WNT11: variants seen among roughly 807,000 people sequenced by gnomAD.
WNT11 encodes Wnt family member 11.
Under a neutral mutation model 35.6 loss-of-function variants are expected in WNT11, and 20 were observed. The ratio of observed to expected loss-of-function variants is 0.56; its 90% confidence interval spans 0.40 to 0.82. The LOEUF (loss-of-function observed/expected upper bound fraction) is 0.82, where lower values mean the gene tolerates loss of function less well. Ranked by LOEUF, WNT11 falls within the 40% of genes least tolerant of loss-of-function variation. WNT11 has a pLI of 0.00. For synonymous variants in WNT11, 200 were observed against 211.9 expected, an observed-to-expected ratio of 0.94 and a Z score of 0.49; for missense variants, 459 against 504.4, an observed-to-expected ratio of 0.91 and a Z score of 0.86.
intron 1 of WNT11, among the ~76,000 whole-genome samples, chr11:76,201,838 T>G (rs899460474): frequency 6.6e-6 from 1 of 152,158 alleles, no homozygotes; most frequent in Non-Finnish European, 1.5e-5. Context: ...ATGACTTCAC[T>G]GAGGTATTTT....
chr11:76,205,472 C>G (rs949236343), intron 1 of WNT11, among the ~76,000 whole-genome samples: 2 of 152,244 alleles, frequency 1.3e-5, no homozygotes, highest in African/African-American at 4.8e-5. Flanking sequence ...CTCGGAAAAG[C>G]TTCCCGGTGT....
intron 4 of WNT11, among the ~76,000 whole-genome samples, chr11:76,189,075 G>A (rs1169429608): frequency 6.6e-6 from 1 of 152,226 alleles, no homozygotes; most frequent in Non-Finnish European, 1.5e-5. Flanking sequence ...ACAGACCTGG[G>A]TTCAAGCCCC....
Position 76,206,307 on chromosome 11 carries a change from C to T in WNT11, c.83+18G>A. ...CCAGTCCCTGGCCTGTGCGCGTGGA[C>T]GCGGGGTCCCTACTCACAGCCACTT... is the stretch of plus-strand genomic sequence containing the variant. On this transcript the variant is annotated intron_variant, in intron 1 of 4. Transcript: ENST00000322563. 6.6e-7 allele frequency: 1 copy of T among 1,526,138 alleles called. No individual in the cohort carries two copies. Among genetic ancestry groups the T allele is most frequent in the Non-Finnish European group, 8.8e-7 (1 of 1,137,392 alleles). The allele number at this position is 1,526,138 out of a possible 1,614,324, so 94.5% of individuals were successfully genotyped here.
chr11:76,210,284 G>C (rs1472976616), upstream of WNT11: 1 of 415,620 alleles, frequency 2.4e-6, no homozygotes, highest in East Asian at 1.6e-4. Flanking sequence ...GCTTCGCTCC[G>C]CAAAGGGGAA....
rs769163509 is a variant in WNT11 at position 76,194,781 on chromosome 11, C to T, written c.383G>A (p.Arg128Gln). The change falls in exon 3 of 5, where the codon CGG becomes CAG. Residue 128 changes from arginine (R) to glutamine (Q), a missense_variant. By Grantham distance (43) the Arg-to-Gln change is conservative. Coordinates refer to ENST00000322563, the MANE Select transcript of WNT11 (RefSeq NM_004626.3). This position sits in a 1 kb window ranked among gnomAD's most constrained non-coding sequence, Gnocchi z 5.4. The stretch of plus-strand genomic sequence containing the variant: ...GGGCAGGTCGCCGGAGGTGCAGGCC[C>T]GGGCGATGGCGTGGCTGATGGCGGC... ...SAAAISHAIA[R>Q]ACTSGDLPGC... 1.4e-5 allele frequency: 21 copies of T among 1,553,708 alleles called. No homozygotes were observed. The highest frequency in any genetic ancestry group is 6.8e-5 in the African/African-American group (5 of 73,306).
At position 76,196,592 on chromosome 11, in the gene WNT11, C is replaced by T. The variant is rs752047946; in HGVS notation, c.210G>A (p.Val70=). 37 of 1,613,622 alleles carry T rather than the reference C, an allele frequency of 2.3e-5. No individual in the cohort carries two copies. Among genetic ancestry groups the T allele is most frequent in the Non-Finnish European group, 3.0e-5 (35 of 1,180,046 alleles). Residue 70 remains valine (V), a synonymous_variant, in exon 2 of 5, where the codon GTG becomes GTA. Transcript: ENST00000322563. ...RSNLELMHTV[V]HAAREVMKAC... is the part of the protein sequence containing the mutation. The stretch of plus-strand genomic sequence containing the variant: ...CCTTCATGACCTCGCGGGCGGCGTG[C>T]ACCACCGTGTGCATGAGCTCCAGGT...
intron 4 of WNT11, among the ~76,000 whole-genome samples, chr11:76,191,199 A>G (rs983824133): frequency 2.6e-5 from 4 of 152,058 alleles, no homozygotes; most frequent in African/African-American, 9.7e-5. Flanking sequence ...TGTTCATCTG[A>G]CAAACATTTT....
Position 76,194,996 on chromosome 11 carries a change from C to T in WNT11, c.320-152G>A. 1 of 953,366 alleles carries T rather than the reference C, an allele frequency of 1.0e-6. No homozygotes were observed. The highest frequency in any genetic ancestry group is 1.5e-6 in the Non-Finnish European group (1 of 664,876). 59.1% of individuals were successfully genotyped at this position (953,366 alleles called of 1,614,324 possible). The stretch of plus-strand genomic sequence containing the variant: ...GGCCATTGAGATGTCACCCCTGCTT[C>T]CCCAATTCCTTCTGAATATACCAGC... On this transcript the variant is annotated intron_variant, in intron 2 of 4. Transcript: ENST00000322563. This position sits in a 1 kb window ranked among gnomAD's most constrained non-coding sequence, Gnocchi z 5.4.
In WNT11 at chr11:76,196,902, C is replaced by G. The variant is rs985166349; in HGVS notation, c.84-184G>C. Among the ~76,000 whole-genome samples the G allele has an allele frequency of 2.0e-5, 3 of 152,256 alleles. No individual in the cohort carries two copies. The South Asian group carries it at 6.2e-4, about 31-fold the overall frequency. On this transcript the variant is annotated intron_variant, in intron 1 of 4. Transcript: ENST00000322563. The stretch of plus-strand genomic sequence containing the variant: ...GGCAGAGCAGTGGATCCCCCTCACA[C>G]CCCATGTGACCTTGGGCACATCACC...
At chr11:76,188,701 G>C (rs1255608868) in intron 4 of WNT11, among the ~76,000 whole-genome samples, 2 of 152,270 alleles carry the variant, frequency 1.3e-5, no homozygotes, top group Non-Finnish European at 2.9e-5. Flanking sequence ...AGAAGGGAGA[G>C]GGGCCTTGCC....
rs1565197916 is a variant in WNT11, at chr11:76,206,240, C to A, written c.83+85G>T. 3 of 1,233,176 alleles carry A rather than the reference C, an allele frequency of 2.4e-6. No homozygotes were observed. In the East Asian group the frequency reaches 9.4e-5, roughly 39 times the overall value. 76.4% of individuals were successfully genotyped at this position (1,233,176 alleles called of 1,614,324 possible). ...CAGCTTAGGCTCCCGGGTCTTGGTG[C>A]GCTCGCCCCATCCAGGGGACCCCAA... On this transcript the variant is annotated intron_variant, in intron 1 of 4. Transcript: ENST00000322563.
chr11:76,208,133 C>T (rs1953501827), upstream of WNT11, among the ~76,000 whole-genome samples: 1 of 152,228 alleles, frequency 6.6e-6, no homozygotes, highest in Non-Finnish European at 1.5e-5. Flanking sequence ...GCCGTGCGTC[C>T]CCCGAGGACC....
intron 4 of WNT11, among the ~76,000 whole-genome samples, chr11:76,189,953 T>C (rs1054027972): frequency 6.6e-6 from 1 of 151,688 alleles, no homozygotes; most frequent in Non-Finnish European, 1.5e-5. Context: ...CTGTGGGGGC[T>C]GTGAAGGAAG....
intron 2 of WNT11, among the ~76,000 whole-genome samples, chr11:76,196,087 G>C (rs1953280756): frequency 6.6e-6 from 1 of 152,196 alleles, no homozygotes. Flanking sequence ...ACACCTGTCT[G>C]CCCTGCGGGT....
intron 1 of WNT11, among the ~76,000 whole-genome samples, chr11:76,199,601 A>G (rs1269442911): frequency 6.6e-6 from 1 of 152,114 alleles, no homozygotes; most frequent in East Asian, 1.9e-4. Context: ...TCAGAAGATC[A>G]AGACCATTCT....
At chr11:76,198,949 C>T (rs924683259) in intron 1 of WNT11, among the ~76,000 whole-genome samples, 51 of 152,150 alleles carry the variant, frequency 3.4e-4, no homozygotes, top group Admixed American at 5.2e-4. Context: ...GCCTGGTTAA[C>T]GTGGTGAAAC....
At chr11:76,192,036 G>T (rs12419707) in intron 3 of WNT11, among the ~76,000 whole-genome samples, 180 bp from the exon 4 acceptor site, 1 of 152,012 alleles carries the variant, frequency 6.6e-6, no homozygotes, top group East Asian at 1.9e-4. Context: ...CTGCAACCGT[G>T]GGGGGCACAG....
At position 76,194,623 on chromosome 11, in the gene WNT11, T is replaced by G; in HGVS notation, c.541A>C (p.Thr181Pro). Residue 181 changes from threonine (T) to proline (P), a missense_variant, in exon 3 of 5, where the codon ACA (threonine) becomes CCA (proline). Transcript: ENST00000322563. The surrounding 1 kb of genome is among the most constrained non-coding windows in gnomAD (Gnocchi z 5.4). ...ATCAGTTTATTGGCTTGGGATCCTG[T>G]TTTTTTCACCTTCATAGGAGCATCG... The part of the protein sequence containing the change: ...FSDAPMKVKK[T>P]GSQANKLMRL... The G allele has an allele frequency of 6.4e-7, 1 of 1,550,528 alleles. No homozygotes were observed. Among genetic ancestry groups the G allele is most frequent in the Non-Finnish European group, 8.7e-7 (1 of 1,146,944 alleles).
chr11:76,194,920 TCGCCCACACC>T lies in WNT11; in HGVS notation c.320-86_320-77del, dbSNP rs1953257138. On this transcript the variant is annotated intron_variant, in intron 2 of 4. Coordinates refer to ENST00000322563, the MANE Select transcript of WNT11 (RefSeq NM_004626.3). The surrounding 1 kb of genome is among the most constrained non-coding windows in gnomAD (Gnocchi z 5.4). ...TGCCCAGGTCAGAGGTCCTCCACCTTCGCCCACACCCTGCTGTAACCAAGGTGACGCCAGC... is the reference window on the plus strand; with the variant it reads ...TGCCCAGGTCAGAGGTCCTCCACCTTCTGCTGTAACCAAGGTGACGCCAGC... 2 of 1,426,024 alleles carry T rather than the reference TCGCCCACACC, an allele frequency of 1.4e-6. No homozygotes were observed. The highest frequency in any genetic ancestry group is 1.8e-6 in the Non-Finnish European group (2 of 1,090,900). The allele number at this position is 1,426,024 out of a possible 1,614,324, so 88.3% of individuals were successfully genotyped here. A position where few individuals can be genotyped will look rare whatever the true frequency, so the allele number is the denominator to read the frequency against.
Sources: allele counts gnomAD v4.1 joint callset (sites outside exome capture counted in the v4.1 genomes callset), GRCh38; gene constraint gnomAD v4.1.1; non-coding constraint Gnocchi (gnomAD v3.1); transcripts MANE v1.5; gene names NCBI Gene and HGNC (gene_info 2026-07-23, HGNC 2026-07-21).